The following DZIP1 variants were observed in gnomAD, a reference collection of about 807,000 sequenced individuals.
DZIP1 encodes the protein cilium assembly protein DZIP1.
Under a neutral mutation model 107.6 loss-of-function variants are expected in DZIP1, and 97 were observed. That is an observed-to-expected ratio of 0.90 (90% CI 0.77 to 1.07). The LOEUF is 1.07. Among genes scored for constraint, DZIP1 ranks in the 50% least tolerant of loss-of-function variants. The probability of loss-of-function intolerance (pLI) is 0.00; values close to 1 mark genes in which losing one functional copy is unlikely to be tolerated. For missense variants in DZIP1, 1,035 were observed against 1,063.6 expected (o/e 0.97, Z 0.37); for synonymous variants, 390 against 386.4 (o/e 1.01, Z -0.11).
chr13:95,624,547 A>G (rs1217578159), intron 8 of DZIP1, among the ~76,000 whole-genome samples: 1 of 152,200 alleles, frequency 6.6e-6, no homozygotes, highest in Non-Finnish European at 1.5e-5. Flanking sequence ...ATATCTCACC[A>G]CGAGTGTTCT....
intron 14 of DZIP1, among the ~76,000 whole-genome samples, chr13:95,605,801 TA>T (rs988667465): frequency 6.6e-6 from 1 of 152,360 alleles, no homozygotes; most frequent in African/African-American, 2.4e-5. Flanking sequence ...ATACACCTTT[TA>T]TACTTTAAGA....
At chr13:95,626,234 G>A (rs1437024129) in intron 7 of DZIP1, among the ~76,000 whole-genome samples, 1 of 152,058 alleles carries the variant, frequency 6.6e-6, no homozygotes, top group African/African-American at 2.4e-5. Flanking sequence ...AAAAAATTAT[G>A]AAAATTAGAG....
chr13:95,587,289 A>T (rs2044184860), intron 20 of DZIP1, among the ~76,000 whole-genome samples: 1 of 152,114 alleles, frequency 6.6e-6, no homozygotes, highest in Admixed American at 6.5e-5. Context: ...TGTGTTCCTT[A>T]AGCCACCCAG....
At chr13:95,602,740 C>G (rs16951257) in intron 14 of DZIP1, among the ~76,000 whole-genome samples, 2 of 152,332 alleles carry the variant, frequency 1.3e-5, no homozygotes, top group African/African-American at 4.8e-5. Flanking sequence ...AGCATGGTCA[C>G]CTGACAGGGA....
At chr13:95,611,242 T>C (rs1169986066) in intron 12 of DZIP1, among the ~76,000 whole-genome samples, 1 of 152,216 alleles carries the variant, frequency 6.6e-6, no homozygotes, top group Non-Finnish European at 1.5e-5. Context: ...CATGATAGTT[T>C]AGATTTTTTA....
At chr13:95,633,420 C>G (rs545684566) in intron 5 of DZIP1, 99 bp from the exon 6 acceptor site, 1 of 983,656 alleles carries the variant, frequency 1.0e-6, no homozygotes, top group East Asian at 2.6e-5. Flanking sequence ...CTGTGGCTCA[C>G]GCCTGTAATC....
intron 22 of DZIP1, among the ~76,000 whole-genome samples, chr13:95,583,151 G>A (rs1392631919): frequency 6.6e-6 from 1 of 151,992 alleles, no homozygotes; most frequent in Admixed American, 6.6e-5. Flanking sequence ...TACAGTCTGG[G>A]TGCAGTGGCT....
intron 5 of DZIP1, among the ~76,000 whole-genome samples, chr13:95,636,783 C>T (rs1445036968): frequency 6.6e-6 from 1 of 151,982 alleles, no homozygotes; most frequent in Non-Finnish European, 1.5e-5. Flanking sequence ...AAAAATGAAA[C>T]AAAATTTAAA....
chr13:95,602,916 A>C (rs543077117), intron 14 of DZIP1, among the ~76,000 whole-genome samples: 1 of 152,230 alleles, frequency 6.6e-6, no homozygotes, highest in South Asian at 2.1e-4. Flanking sequence ...AGAGCATACC[A>C]CCTGTCATGT....
In DZIP1 at chr13:95,622,395, C is replaced by T. The variant is rs1566410645; in HGVS notation, c.1058G>A (p.Arg353His). The T allele has an allele frequency of 5.6e-6, 9 of 1,614,172 alleles. No homozygotes were observed. Among genetic ancestry groups the T allele is most frequent in the African/African-American group, 1.3e-5 (1 of 75,052 alleles). ...LKDAHEFKED[R>H]SPYPQDFHNV... is the part of the protein sequence containing the mutation. Reference sequence around the variant, plus strand: ...ATGGAAATCCTGGGGATATGGAGAACGGTCTTCTTTAAACTCGTGTGCATC... The same window carrying T: ...ATGGAAATCCTGGGGATATGGAGAATGGTCTTCTTTAAACTCGTGTGCATC... The change falls in exon 9 of 23, where the codon CGT (arginine) becomes CAT (histidine). Residue 353 changes from arginine to histidine, a missense_variant. Physicochemically the swap from Arg to His is conservative, Grantham distance 29. Transcript: ENST00000376829.
Position 95,589,921 on chromosome 13 carries a change from C to T in DZIP1, c.1855G>A (p.Val619Ile), listed in dbSNP as rs774999839. ...GTTGAAAGGGTATCCATTTGAGAAA[C>T]ACTGCACTGATCTGGAATATAGTGT... ...KALLSSDQCS[V>I]SQMDTLSTGE... Residue 619 changes from valine (V) to isoleucine (I), a missense_variant, in exon 18 of 23, where the codon GTT becomes ATT. Transcript: ENST00000376829. 6.2e-7 allele frequency: 1 copy of T among 1,613,900 alleles called. No individual in the cohort carries two copies. Among genetic ancestry groups the T allele is most frequent in the Non-Finnish European group, 8.5e-7 (1 of 1,179,906 alleles).
At chr13:95,626,932 C>G (rs1876612311) in intron 7 of DZIP1, among the ~76,000 whole-genome samples, 1 of 152,138 alleles carries the variant, frequency 6.6e-6, no homozygotes, top group African/African-American at 2.4e-5. Flanking sequence ...GTTAAAATGG[C>G]AATACTCTCC....
Position 95,582,211 on chromosome 13 carries a change from G to T in DZIP1, c.*23C>A. The T allele has an allele frequency of 6.2e-7, 1 of 1,609,286 alleles. No homozygotes were observed. The highest frequency in any genetic ancestry group is 8.5e-7 in the Non-Finnish European group (1 of 1,175,714). On this transcript the variant is annotated 3_prime_UTR_variant, in exon 23 of 23. Coordinates refer to ENST00000376829, the MANE Select transcript of DZIP1 (RefSeq NM_198968.4). ...GATACTGAAATACTGCTGGCTTCTG[G>T]AATAATCTTCTGACATGTGGAATTA...
intron 3 of DZIP1, 46 bp from the exon 4 acceptor site, chr13:95,642,287 G>A (rs1306351860): frequency 4.6e-6 from 2 of 434,648 alleles, no homozygotes; most frequent in East Asian, 3.7e-5. Flanking sequence ...AGTGGACACA[G>A]CCGTTCACCC....
rs1400064842 is a variant in DZIP1, at chr13:95,599,514, C to T, written c.1478-90G>A. 4.2e-6 allele frequency: 5 copies of T among 1,191,008 alleles called. No individual in the cohort carries two copies. In the Admixed American group the frequency reaches 8.8e-5, roughly 21 times the overall value. The allele number at this position is 1,191,008 out of a possible 1,614,324, so 73.8% of individuals were successfully genotyped here. ...TCAAATGATTTTGAAAGATATCATT[C>T]CATGGTATTTTAGTCATGCCTGAAT... On this transcript the variant is annotated intron_variant, in intron 14 of 22. Coordinates refer to ENST00000376829, the MANE Select transcript of DZIP1 (RefSeq NM_198968.4).
At chr13:95,642,418 T>TA (rs1878647047) in intron 3 of DZIP1, among the ~76,000 whole-genome samples, 177 bp from the exon 4 acceptor site, 1 of 152,228 alleles carries the variant, frequency 6.6e-6, no homozygotes. Flanking sequence ...CCTTTGGTCT[T>TA]AACTGCCATC....
chr13:95,579,668 AG>A lies in DZIP1; in HGVS notation c.*2565del, dbSNP rs1423319940. ...CTGAAGTGTGAAAGACTTAAAAAAAAGAATCACATTGTTCAGAGGTGCTCAA... is the reference window on the plus strand; with the variant it reads ...CTGAAGTGTGAAAGACTTAAAAAAAAAATCACATTGTTCAGAGGTGCTCAA... On this transcript the variant is annotated 3_prime_UTR_variant, in exon 23 of 23. Coordinates refer to ENST00000376829, the MANE Select transcript of DZIP1 (RefSeq NM_198968.4). The A allele has an allele frequency of 2.6e-5, 4 of 152,268 alleles. No individual in the cohort carries two copies. Among genetic ancestry groups the A allele is most frequent in the African/African-American group, 9.6e-5 (4 of 41,472 alleles). 9.4% of individuals were successfully genotyped at this position (152,268 alleles called of 1,614,324 possible).
chr13:95,641,909 G>A lies in DZIP1; in HGVS notation c.37-54C>T. ...GGAGGCGGGGATGGGGGGCGGGCAG[G>A]CTGGGGAGCTGGGGGTCCGGGGAAG... is the stretch of plus-strand genomic sequence containing the variant. On this transcript the variant is annotated intron_variant, in intron 4 of 22. Coordinates refer to ENST00000376829, the MANE Select transcript of DZIP1 (RefSeq NM_198968.4). This position sits in a 1 kb window ranked among gnomAD's most constrained non-coding sequence, Gnocchi z 4.3. 1 of 1,453,930 alleles carries A rather than the reference G, an allele frequency of 6.9e-7. No individual in the cohort carries two copies. Among genetic ancestry groups the A allele is most frequent in the Non-Finnish European group, 9.0e-7 (1 of 1,109,924 alleles). The allele number at this position is 1,453,930 out of a possible 1,614,324, so 90.1% of individuals were successfully genotyped here.
intron 10 of DZIP1, among the ~76,000 whole-genome samples, chr13:95,615,155 C>A (rs1874895353): frequency 6.6e-6 from 1 of 152,174 alleles, no homozygotes; most frequent in African/African-American, 2.4e-5. Flanking sequence ...CACTCAGAAC[C>A]AGGAAAGGCC....
Sources: allele counts gnomAD v4.1 joint callset (sites outside exome capture counted in the v4.1 genomes callset), GRCh38; gene constraint gnomAD v4.1.1; non-coding constraint Gnocchi (gnomAD v3.1); transcripts MANE v1.5; gene names NCBI Gene and HGNC (gene_info 2026-07-23, HGNC 2026-07-21).